DOCK7: variants seen among roughly 807,000 people sequenced by gnomAD.
DOCK7 encodes the protein dedicator of cytokinesis protein 7.
DOCK7 carries 138 observed loss-of-function variants against 271.0 expected under a neutral mutation model. The ratio of observed to expected loss-of-function variants is 0.51; its 90% CI spans 0.44 to 0.59. DOCK7 has a LOEUF of 0.59. Among genes scored for constraint, DOCK7 ranks in the 20% least tolerant of loss-of-function variants. The pLI is 0.00. For missense variants in DOCK7, 2,066 were observed against 2,592.4 expected, an observed-to-expected ratio of 0.80 and a Z score of 4.41; for synonymous variants, 823 against 876.1, an observed-to-expected ratio of 0.94 and a Z score of 1.07.
At chr1:62,638,352 G>A (rs1192888115) in intron 7 of DOCK7, 2 of 151,850 alleles carry the variant, frequency 1.3e-5, no homozygotes, top group Admixed American at 6.6e-5. Flanking sequence ...AGTGCTTTCT[G>A]TGTCATGTCA....
chr1:62,561,039 G>A (rs879284583), intron 19 of DOCK7, among the ~76,000 whole-genome samples: 3 of 152,128 alleles, frequency 2.0e-5, no homozygotes, highest in Non-Finnish European at 4.4e-5. Flanking sequence ...AAGCGCAACA[G>A]AGAAGCTGGG....
At chr1:62,489,968 T>C (rs1230986679) in intron 41 of DOCK7, among the ~76,000 whole-genome samples, 2 of 152,000 alleles carry the variant, frequency 1.3e-5, no homozygotes, top group Non-Finnish European at 2.9e-5. Context: ...TTCCTTCCAC[T>C]GTGGGCTAGT....
intron 14 of DOCK7, among the ~76,000 whole-genome samples, chr1:62,610,300 T>A (rs1651599817): frequency 6.6e-6 from 1 of 151,968 alleles, no homozygotes; most frequent in South Asian, 2.1e-4. Flanking sequence ...ACCAATACTT[T>A]CTGAAGCAGA....
intron 16 of DOCK7, 128 bp from the exon 17 acceptor site, chr1:62,579,094 T>C (rs1228138922): frequency 1.1e-6 from 1 of 909,610 alleles, no homozygotes; most frequent in Non-Finnish European, 1.5e-6. Flanking sequence ...CAAAATATTT[T>C]TCTTTATCCC....
At chr1:62,645,962 G>A (rs1199322630) in intron 7 of DOCK7, among the ~76,000 whole-genome samples, 3 of 151,734 alleles carry the variant, frequency 2.0e-5, no homozygotes, top group African/African-American at 7.3e-5. Flanking sequence ...CCTGGCCAAC[G>A]TGGTGAAACC....
chr1:62,587,225 T>C (rs1261097952), intron 14 of DOCK7, among the ~76,000 whole-genome samples: 1 of 144,726 alleles, frequency 6.9e-6, no homozygotes, highest in Non-Finnish European at 1.5e-5. Context: ...ATCATCTCTA[T>C]CATAGACAAA....
Position 62,594,968 on chromosome 1 carries a change from T to C in DOCK7, c.1683-8344A>G, listed in dbSNP as rs542789299. On this transcript the variant is annotated intron_variant, in intron 14 of 49. Transcript: ENST00000635253. ...CCAATAATTACAACTGTAACTTTTC[T>C]ATTTAAAGAAGGAGAAAATTTGAAT... is the stretch of plus-strand genomic sequence containing the variant. Among the ~76,000 whole-genome samples the C allele has an allele frequency of 5.6e-4, 86 of 152,330 alleles. 1 individual carries two copies. The highest frequency in any genetic ancestry group is 1.9e-3 in the African/African-American group (81 of 41,590).
At chr1:62,585,163 T>C (rs192318473) in intron 15 of DOCK7, among the ~76,000 whole-genome samples, 3 of 152,268 alleles carry the variant, frequency 2.0e-5, no homozygotes, top group South Asian at 2.1e-4. Flanking sequence ...ATTCAGTATG[T>C]ATTATATGCA....
intron 14 of DOCK7, 50 bp from the exon 15 acceptor site, chr1:62,586,674 T>C: frequency 1.5e-6 from 1 of 646,968 alleles, no homozygotes. Context: ...TAAGAAACAC[T>C]ATGTATCACT....
chr1:62,474,209 G>A, intron 47 of DOCK7, 121 bp from the exon 48 acceptor site: 1 of 662,150 alleles, frequency 1.5e-6, no homozygotes, highest in South Asian at 2.1e-5. Context: ...ATGCATATAT[G>A]CCTATGCCTA....
intron 2 of DOCK7, among the ~76,000 whole-genome samples, chr1:62,661,935 A>G (rs914814149): frequency 5.3e-5 from 8 of 152,226 alleles, no homozygotes; most frequent in African/African-American, 1.9e-4. Flanking sequence ...ATCTCCATGT[A>G]CATTGAAATC....
In DOCK7 at chr1:62,542,649, C is replaced by G; in HGVS notation, c.3004G>C (p.Glu1002Gln). Residue 1002 changes from glutamate to glutamine, a missense_variant, in exon 25 of 50, where the codon GAA (glutamate) becomes CAA (glutamine). By Grantham distance (29) the Glu-to-Gln change is conservative. Transcript: ENST00000635253. The part of the protein sequence containing the change: ...QWVVCSGSVR[E>Q]SALQQAWFFF... Reference sequence around the variant, plus strand: ...AACCAGGCTTGTTGCAAAGCTGATTCCCGAACGCTGCCACTGCAAACAACC... The same window carrying G: ...AACCAGGCTTGTTGCAAAGCTGATTGCCGAACGCTGCCACTGCAAACAACC... 6.2e-7 allele frequency: 1 copy of G among 1,613,062 alleles called. No individual in the cohort carries two copies. The highest frequency in any genetic ancestry group is 8.5e-7 in the Non-Finnish European group (1 of 1,179,386).
At chr1:62,590,983 T>C (rs1440031309) in intron 14 of DOCK7, among the ~76,000 whole-genome samples, 1 of 152,098 alleles carries the variant, frequency 6.6e-6, no homozygotes, top group Non-Finnish European at 1.5e-5. Flanking sequence ...GCAATCCCAT[T>C]ACTGTGTATA....
chr1:62,466,660 T>C (rs1168896828), intron 48 of DOCK7, among the ~76,000 whole-genome samples: 3 of 152,264 alleles, frequency 2.0e-5, no homozygotes, highest in African/African-American at 4.8e-5. Context: ...GGCCAGGTAC[T>C]GTGGCTCACG....
At chr1:62,618,578 G>C (rs1652742142) in intron 14 of DOCK7, 128 bp downstream of exon 14, 1 of 750,928 alleles carries the variant, frequency 1.3e-6, no homozygotes, top group East Asian at 2.7e-5. Flanking sequence ...TAATAAAATT[G>C]TGCGGTAAGA....
intron 12 of DOCK7, among the ~76,000 whole-genome samples, chr1:62,622,802 C>A (rs528052212): frequency 6.6e-6 from 1 of 151,898 alleles, no homozygotes; most frequent in Non-Finnish European, 1.5e-5. Flanking sequence ...TGGTGGCAGG[C>A]GCCTGTAGTC....
chr1:62,502,345 A>G (rs1646807417), intron 37 of DOCK7, among the ~76,000 whole-genome samples: 1 of 152,212 alleles, frequency 6.6e-6, no homozygotes, highest in African/African-American at 2.4e-5. Context: ...CAATTGATTA[A>G]AAGTCTCCCT....
rs1645575891 is a variant in DOCK7 at position 62,542,702 on chromosome 1, A to T, written c.2951T>A (p.Leu984His). 1.2e-6 allele frequency: 2 copies of T among 1,612,374 alleles called. No homozygotes were observed. The highest frequency in any genetic ancestry group is 1.7e-6 in the Non-Finnish European group (2 of 1,179,170). The change falls in exon 25 of 50, where the codon CTT becomes CAT. Residue 984 changes from leucine (L) to histidine (H), a missense_variant and splice_region_variant. Leu to His is a moderately conservative substitution (Grantham distance 99). Coordinates refer to ENST00000635253, the MANE Select transcript of DOCK7 (RefSeq NM_001367561.1). ...TLTGRLPTKKLFHEELALQWV... is the reference protein window; with the variant it reads ...TLTGRLPTKKHFHEELALQWV... ...CTGCAAAGCCAGCTCCTCGTGAAAA[A>T]GCTATCCAGAAGTAAATCCAAAGTT... is the stretch of plus-strand genomic sequence containing the variant.
At chr1:62,485,188 G>T in intron 43 of DOCK7, 10 of 985,222 alleles carry the variant, frequency 1.0e-5, no homozygotes, top group Non-Finnish European at 1.2e-5. Context: ...CTACTATTTC[G>T]AGGGAAAAGT....
Sources: allele counts gnomAD v4.1 joint callset (sites outside exome capture counted in the v4.1 genomes callset), GRCh38; gene constraint gnomAD v4.1.1; transcripts MANE v1.5; gene names NCBI Gene and HGNC (gene_info 2026-07-23, HGNC 2026-07-21).